DLGAP2: variants seen among roughly 807,000 people sequenced by gnomAD.
DLGAP2 encodes disks large-associated protein 2.
Under a neutral mutation model 100.3 loss-of-function variants are expected in DLGAP2, and 26 were observed. That is an observed-to-expected ratio of 0.26 (90% CI 0.19 to 0.36). The LOEUF (loss-of-function observed/expected upper bound fraction) is 0.36. Among genes scored for constraint, DLGAP2 ranks in the 10% least tolerant of loss-of-function variants. The pLI, the probability that DLGAP2 is intolerant of heterozygous loss-of-function variation, is 1.00. For synonymous variants in DLGAP2, 886 were observed against 630.1 expected (o/e 1.41, Z -6.08); for missense variants, 1,858 against 1,453.2 (o/e 1.28, Z -4.53).
intron 2 of DLGAP2, among the ~76,000 whole-genome samples, chr8:1,194,475 C>A (rs1055828777): frequency 3.3e-5 from 5 of 152,162 alleles, no homozygotes; most frequent in African/African-American, 7.2e-5. Flanking sequence ...GAGCTTCCCT[C>A]AGTCCCACTT....
At chr8:1,256,759 G>A (rs767813071) in intron 2 of DLGAP2, among the ~76,000 whole-genome samples, 95 of 152,192 alleles carry the variant, frequency 6.2e-4, no homozygotes, top group Admixed American at 1.1e-3. Flanking sequence ...TTGTGAAGGG[G>A]TGGTGCCTGC....
chr8:861,594 C>T (rs1797393004), intron 1 of DLGAP2, among the ~76,000 whole-genome samples: 1 of 152,282 alleles, frequency 6.6e-6, no homozygotes, highest in East Asian at 1.9e-4. Context: ...ATTTTAACAG[C>T]GCTTTTGAAA....
intron 1 of DLGAP2, among the ~76,000 whole-genome samples, chr8:849,781 T>TA (rs1276500800): frequency 6.6e-6 from 1 of 152,144 alleles, no homozygotes; most frequent in Non-Finnish European, 1.5e-5. Context: ...TTTTCTCACT[T>TA]AAAAAAGCTA....
intron 2 of DLGAP2, among the ~76,000 whole-genome samples, chr8:1,179,073 C>T (rs17746852): frequency 6.6e-6 from 1 of 152,228 alleles, no homozygotes; most frequent in East Asian, 1.9e-4. Context: ...CACACTTAAA[C>T]AGGCTTTAAA....
intron 2 of DLGAP2, among the ~76,000 whole-genome samples, chr8:1,196,981 G>T (rs1456055520): frequency 2.6e-5 from 4 of 152,158 alleles, no homozygotes; most frequent in African/African-American, 4.8e-5. Context: ...CCAGAGGTGT[G>T]ATTAAGTCTG....
intron 3 of DLGAP2, among the ~76,000 whole-genome samples, chr8:1,454,380 C>A (rs183550838): frequency 0.01 from 1,566 of 151,734 alleles, 14 homozygotes; most frequent in Non-Finnish European, 0.017. Context: ...CTTTTCTCTA[C>A]ACTGAAACTA....
chr8:1,523,050 T>A (rs1800661258), intron 4 of DLGAP2, among the ~76,000 whole-genome samples: 1 of 152,166 alleles, frequency 6.6e-6, no homozygotes, highest in South Asian at 2.1e-4. Flanking sequence ...CCAGCAGCAC[T>A]GGGGTCACAC....
chr8:1,384,617 C>T (rs531572763), intron 3 of DLGAP2, among the ~76,000 whole-genome samples: 8 of 143,278 alleles, frequency 5.6e-5, no homozygotes, highest in African/African-American at 1.9e-4. Context: ...ACTTGGTGCA[C>T]AGTTACCCCG....
intron 2 of DLGAP2, among the ~76,000 whole-genome samples, chr8:946,076 T>TGTGCAG (rs553902718): frequency 0.29 from 43,441 of 151,836 alleles, 7,038 homozygotes; most frequent in Admixed American, 0.4. Flanking sequence ...CAGCCTCCTG[T>TGTGCAG]GCTCAGCACC....
chr8:1,031,244 T>C (rs1358274519), intron 2 of DLGAP2, among the ~76,000 whole-genome samples: 1 of 152,168 alleles, frequency 6.6e-6, no homozygotes, highest in African/African-American at 2.4e-5. Flanking sequence ...AGGGCTCCCG[T>C]TTCCTTGAAG....
At chr8:1,109,080 T>C (rs1695709792) in intron 2 of DLGAP2, among the ~76,000 whole-genome samples, 1 of 115,054 alleles carries the variant, frequency 8.7e-6, no homozygotes, top group South Asian at 3.4e-4. Flanking sequence ...CTGTGAGGTG[T>C]GCACGGGTCT....
Position 1,574,813 on chromosome 8 carries a change from C to T in DLGAP2, c.1442+8919C>T, listed in dbSNP as rs559610884. On this transcript the variant is annotated intron_variant, in intron 6 of 14. Transcript: ENST00000637795. ...TCATTCCGGACACAAGAAAGGAAAC[C>T]CACGAACATACGTGTGACAGGCATC... 4.3e-4 allele frequency among the ~76,000 whole-genome samples: 65 copies of T among 152,254 alleles called. 1 individual carries two copies. Among genetic ancestry groups the T allele is most frequent in the Non-Finnish European group, 5.4e-4 (37 of 68,020 alleles).
intron 3 of DLGAP2, among the ~76,000 whole-genome samples, chr8:1,289,108 G>T (rs1199417804): frequency 1.3e-5 from 2 of 152,138 alleles, no homozygotes; most frequent in African/African-American, 4.8e-5. Flanking sequence ...CTCCATGAAG[G>T]CCCCTGAATT....
chr8:1,448,127 A>G (rs7013444), intron 3 of DLGAP2, among the ~76,000 whole-genome samples: 4,648 of 152,180 alleles, frequency 0.031, 206 homozygotes, highest in African/African-American at 0.11. Context: ...GCCTTCTGCT[A>G]GCTTTTGAAT....
At chr8:1,356,497 G>C (rs750138304) in intron 3 of DLGAP2, among the ~76,000 whole-genome samples, 5 of 152,182 alleles carry the variant, frequency 3.3e-5, no homozygotes, top group Non-Finnish European at 7.3e-5. Flanking sequence ...TCCTGGTTCT[G>C]TCTGTGCTGG....
intron 2 of DLGAP2, among the ~76,000 whole-genome samples, chr8:1,224,449 G>C (rs962417908): frequency 1.3e-5 from 2 of 152,018 alleles, no homozygotes; most frequent in African/African-American, 4.8e-5. Context: ...CATTTTTAAA[G>C]GTACTTTCAC....
chr8:808,520 C>G (rs922812906), intron 1 of DLGAP2, among the ~76,000 whole-genome samples: 1 of 152,186 alleles, frequency 6.6e-6, no homozygotes, highest in African/African-American at 2.4e-5. Context: ...GGATTCCTTC[C>G]TCATCTGAAT....
rs996362071 is a variant in DLGAP2, at chr8:761,451, T to C, written c.18+23626T>C. On this transcript the variant is annotated intron_variant, in intron 1 of 14. Transcript: ENST00000637795. Reference sequence around the variant, plus strand: ...TAACTCTCTAACGTTATTCACGTAATAATGGCCGGGCCTTCTGTAAGATTG... The same window carrying C: ...TAACTCTCTAACGTTATTCACGTAACAATGGCCGGGCCTTCTGTAAGATTG... Among the ~76,000 whole-genome samples the C allele has an allele frequency of 7.9e-4, 120 of 152,258 alleles. 1 individual carries two copies. Among genetic ancestry groups the C allele is most frequent in the Non-Finnish European group, 5.9e-5 (4 of 68,046 alleles).
At chr8:1,486,631 C>CTT (rs34065957) in intron 3 of DLGAP2, among the ~76,000 whole-genome samples, 78,597 of 151,960 alleles carry the variant, frequency 0.52, 22,349 homozygotes, top group Admixed American at 0.66. Context: ...AGCCACAACA[C>CTT]TAACAGAACT....
Sources: gnomAD v4.1 joint callset for allele counts (sites outside exome capture counted in the v4.1 genomes callset) on GRCh38, gnomAD v4.1.1 for gene constraint, MANE v1.5 for transcripts, NCBI Gene and HGNC (gene_info 2026-07-23, HGNC 2026-07-21) for gene names.